The following SFRP1 variants were observed in gnomAD, a reference collection of about 807,000 sequenced individuals.
The protein encoded by SFRP1 is secreted frizzled-related protein 1.
Under a neutral mutation model 25.9 loss-of-function variants are expected in SFRP1, and 9 were observed. The ratio of observed to expected loss-of-function variants is 0.35; its 90% CI spans 0.21 to 0.61. SFRP1 has a LOEUF of 0.61. Ranked by LOEUF, SFRP1 falls within the 20% of genes least tolerant of loss-of-function variation. The pLI, the probability that SFRP1 is intolerant of heterozygous loss-of-function variation, is 0.78. For synonymous variants in SFRP1, 178 were observed against 174.0 expected (o/e 1.02, Z -0.18); for missense variants, 346 against 418.2 (o/e 0.83, Z 1.51).
chr8:41,293,403 A>G (rs1438271493), intron 2 of SFRP1, among the ~76,000 whole-genome samples: 3 of 152,226 alleles, frequency 2.0e-5, no homozygotes, highest in East Asian at 1.9e-4. Flanking sequence ...GCGAGTTGTT[A>G]TAACTGACAA....
chr8:41,290,886 C>CTTTTTTTTTTT lies in SFRP1; in HGVS notation c.622+12564_622+12574dup. On this transcript the variant is annotated intron_variant, in intron 2 of 2. Coordinates refer to ENST00000220772, the MANE Select transcript of SFRP1 (RefSeq NM_003012.5). ...GTCTTCTTCTCCTCCTCTTCCTCGT[C>CTTTTTTTTTTT]TTTTTTTTTTTTTTTTTTTTTTTTT... is the stretch of plus-strand genomic sequence containing the variant. Among the ~76,000 whole-genome samples, 254 of 53,862 alleles carry CTTTTTTTTTTT rather than the reference C, an allele frequency of 4.7e-3. 90 individuals are homozygous for CTTTTTTTTTTT. Among genetic ancestry groups the CTTTTTTTTTTT allele is most frequent in the Middle Eastern group, 0.029 (2 of 70 alleles). 35.3% of individuals were successfully genotyped at this position (53,862 alleles called of 152,430 possible). A position where few individuals can be genotyped will look rare whatever the true frequency, so the allele number is the denominator to read the frequency against.
At chr8:41,300,194 T>A (rs1487591243) in intron 2 of SFRP1, among the ~76,000 whole-genome samples, 1 of 152,220 alleles carries the variant, frequency 6.6e-6, no homozygotes, top group Non-Finnish European at 1.5e-5. Context: ...TGCGGGAAAC[T>A]GAAAATATTT....
At chr8:41,306,774 T>C in intron 1 of SFRP1, 1 of 1,598,128 alleles carries the variant, frequency 6.3e-7, no homozygotes, top group Non-Finnish European at 8.5e-7. Flanking sequence ...CAAGCCAGGC[T>C]GAGAAGGGCG....
chr8:41,301,820 C>A (rs760957139), intron 2 of SFRP1, among the ~76,000 whole-genome samples: 1 of 152,186 alleles, frequency 6.6e-6, no homozygotes, highest in Non-Finnish European at 1.5e-5. Context: ...GACTGGTTAT[C>A]GACATGAGAT....
At chr8:41,277,861 C>T (rs4736960) in intron 2 of SFRP1, among the ~76,000 whole-genome samples, 76,536 of 152,012 alleles carry the variant, frequency 0.5, 20,351 homozygotes, top group African/African-American at 0.69. Context: ...TCCTCCCACC[C>T]TGGCCTCTCA....
At chr8:41,293,531 G>C (rs1312763004) in intron 2 of SFRP1, among the ~76,000 whole-genome samples, 3 of 152,086 alleles carry the variant, frequency 2.0e-5, no homozygotes, top group Admixed American at 2.0e-4. Context: ...CTGACACCAG[G>C]AATGCCCTCC....
chr8:41,280,746 G>T (rs1279605356), intron 2 of SFRP1, among the ~76,000 whole-genome samples: 10 of 152,202 alleles, frequency 6.6e-5, no homozygotes, highest in Non-Finnish European at 1.5e-4. Flanking sequence ...CCTGCAGAGG[G>T]ACAAACAGCC....
At chr8:41,287,924 G>T (rs2117501765) in intron 2 of SFRP1, among the ~76,000 whole-genome samples, 1 of 152,298 alleles carries the variant, frequency 6.6e-6, no homozygotes, top group South Asian at 2.1e-4. Context: ...CCGCCACAGG[G>T]TGAATGACAA....
Position 41,265,148 on chromosome 8 carries a change from C to A in SFRP1, c.*19G>T. On this transcript the variant is annotated 3_prime_UTR_variant, in exon 3 of 3. Transcript: ENST00000220772. ...CCCACCCCACCCGAGGCTCCCTCCCCACCCTGCCCCCGGGAGAATCACTTA... is the reference window on the plus strand; with the variant it reads ...CCCACCCCACCCGAGGCTCCCTCCCAACCCTGCCCCCGGGAGAATCACTTA... The A allele has an allele frequency of 1.5e-5, 21 of 1,435,008 alleles. No homozygotes were observed. Among genetic ancestry groups the A allele is most frequent in the East Asian group, 2.5e-5 (1 of 40,132 alleles). The allele number at this position is 1,435,008 out of a possible 1,614,324, so 88.9% of individuals were successfully genotyped here.
intron 2 of SFRP1, among the ~76,000 whole-genome samples, chr8:41,285,945 T>C (rs574839976): frequency 6.7e-6 from 1 of 148,968 alleles, no homozygotes; most frequent in South Asian, 2.1e-4. Context: ...CCAGGAACTC[T>C]CAGGCTGAGG....
chr8:41,307,553 C>G (rs968674268), intron 1 of SFRP1, among the ~76,000 whole-genome samples: 1 of 152,190 alleles, frequency 6.6e-6, no homozygotes, highest in African/African-American at 2.4e-5. Flanking sequence ...AGGAAGCCTG[C>G]GTCTGTGCTA....
chr8:41,290,873 T>C (rs1803767764), intron 2 of SFRP1, among the ~76,000 whole-genome samples: 7 of 126,490 alleles, frequency 5.5e-5, no homozygotes, highest in Admixed American at 2.7e-4. Context: ...CTTCTTCTCC[T>C]CCTCTTCCTC....
intron 2 of SFRP1, among the ~76,000 whole-genome samples, chr8:41,272,748 A>G (rs1803526545): frequency 6.6e-6 from 1 of 152,248 alleles, no homozygotes; most frequent in Non-Finnish European, 1.5e-5. Context: ...TCAACATCTG[A>G]GAAAAGGGTA....
In SFRP1 at chr8:41,298,322, T is replaced by G. The variant is rs141331290; in HGVS notation, c.622+5139A>C. 152 of 152,326 alleles carry G rather than the reference T, an allele frequency of 1.0e-3. 1 individual carries two copies. Among genetic ancestry groups the G allele is most frequent in the African/African-American group, 3.1e-3 (128 of 41,564 alleles). The allele number at this position is 152,326 out of a possible 1,614,324, so 9.4% of individuals were successfully genotyped here. On this transcript the variant is annotated intron_variant, in intron 2 of 2. Coordinates refer to ENST00000220772, the MANE Select transcript of SFRP1 (RefSeq NM_003012.5). ...CTAGGCAATTATAGTTAACAATAAT[T>G]TATTGTATATTTCAAATTAACTAGA...
Position 41,308,970 on chromosome 8 carries a change from C to G in SFRP1, c.190G>C (p.Asp64His), listed in dbSNP as rs1274637063. Residue 64 changes from aspartate to histidine, a missense_variant, in exon 1 of 3, where the codon GAC becomes CAC. Physicochemically the swap from Asp to His is moderately conservative, Grantham distance 81. Coordinates refer to ENST00000220772, the MANE Select transcript of SFRP1 (RefSeq NM_003012.5). ...CCCACGTTGTGGCACAGCCGCAGGT[C>G]CGCGGGGATGTCCACGCACTGAGGT... Reference protein sequence around the residue: ...KPPQCVDIPADLRLCHNVGYK... With the variant: ...KPPQCVDIPAHLRLCHNVGYK... 6.2e-7 allele frequency: 1 copy of G among 1,613,460 alleles called. No individual in the cohort carries two copies. Among genetic ancestry groups the G allele is most frequent in the Admixed American group, 1.7e-5 (1 of 60,028 alleles).
intron 2 of SFRP1, among the ~76,000 whole-genome samples, chr8:41,267,649 A>T (rs2117478046): frequency 6.6e-6 from 1 of 152,330 alleles, no homozygotes; most frequent in East Asian, 1.9e-4. Flanking sequence ...TTTTCCGTGC[A>T]TTTCCTCAGT....
At chr8:41,267,990 T>C (rs922969476) in intron 2 of SFRP1, among the ~76,000 whole-genome samples, 1 of 152,232 alleles carries the variant, frequency 6.6e-6, no homozygotes, top group Non-Finnish European at 1.5e-5. Flanking sequence ...AAGAGACTTC[T>C]CTGGCAAAGG....
chr8:41,302,327 G>A (rs990338840), intron 2 of SFRP1, among the ~76,000 whole-genome samples: 2 of 152,198 alleles, frequency 1.3e-5, no homozygotes, highest in African/African-American at 2.4e-5. Flanking sequence ...TGACCCTGTC[G>A]TGAGGCATGA....
At chr8:41,307,567 GC>G (rs1563368839) in intron 1 of SFRP1, among the ~76,000 whole-genome samples, 1 of 152,188 alleles carries the variant, frequency 6.6e-6, no homozygotes, top group Non-Finnish European at 1.5e-5. Flanking sequence ...TGTGCTAAGC[GC>G]AGCTGGGGTA....
Sources: allele counts gnomAD v4.1 joint callset (sites outside exome capture counted in the v4.1 genomes callset), GRCh38; gene constraint gnomAD v4.1.1; transcripts MANE v1.5; gene names NCBI Gene and HGNC (gene_info 2026-07-23, HGNC 2026-07-21).